Variants in VAMP7 observed in about 807,000 individuals in gnomAD.
VAMP7 encodes the protein vesicle associated membrane protein 7, also known as vesicle-associated membrane protein 7.
Under a neutral mutation model 29.6 loss-of-function variants are expected in VAMP7, and 14 were observed. The observed-to-expected ratio is 0.47, with a 90% CI of 0.31 to 0.74. The LOEUF (loss-of-function observed/expected upper bound fraction) is 0.74, where lower values mean the gene tolerates loss of function less well. VAMP7 is among the 30% of genes least tolerant of loss of function. The pLI is 0.05. For missense variants in VAMP7, 223 were observed against 262.4 expected, an observed-to-expected ratio of 0.85 and a Z score of 1.04; for synonymous variants, 95 against 88.1, an observed-to-expected ratio of 1.08 and a Z score of -0.44.
At chrX:155,894,250 G>C (rs1219113087) in intron 2 of VAMP7, among the ~76,000 whole-genome samples, 1 of 143,532 alleles carries the variant, frequency 7.0e-6, no homozygotes, top group Non-Finnish European at 1.5e-5. Flanking sequence ...GTAGTCTCCT[G>C]TCTGGTCCTC....
chrX:155,893,155 C>T (rs2065945404), intron 2 of VAMP7, among the ~76,000 whole-genome samples: 1 of 152,022 alleles, frequency 6.6e-6, no homozygotes, highest in Non-Finnish European at 1.5e-5. Flanking sequence ...GCCTGTGCAC[C>T]AAGTGACTTA....
intron 1 of VAMP7, among the ~76,000 whole-genome samples, chrX:155,882,974 A>G (rs1483036131): frequency 6.6e-6 from 1 of 152,186 alleles, no homozygotes; most frequent in Non-Finnish European, 1.5e-5. Context: ...AGATCATCAC[A>G]AAACATTAAG....
chrX:155,927,741 GTT>G (rs1176233637), intron 6 of VAMP7, among the ~76,000 whole-genome samples: 1 of 138,280 alleles, frequency 7.2e-6, no homozygotes, highest in Non-Finnish European at 1.5e-5. Context: ...TTTGCATAGA[GTT>G]TTTTAGTTTT....
In VAMP7 at chrX:155,943,182, A is replaced by G. The variant is rs1253675007; in HGVS notation, c.*1231A>G. The G allele has an allele frequency of 6.7e-6, 1 of 149,700 alleles. No individual in the cohort carries two copies. The highest frequency in any genetic ancestry group is 2.5e-5 in the African/African-American group (1 of 40,372). The allele number at this position is 149,700 out of a possible 1,614,324, so 9.3% of individuals were successfully genotyped here. ...CTGAAAGGAAGACATTTTCTACCCT[A>G]GATCCAATTGCATTTATTTATCAAT... On this transcript the variant is annotated 3_prime_UTR_variant, in exon 8 of 8. Coordinates refer to ENST00000286448, the MANE Select transcript of VAMP7 (RefSeq NM_005638.6).
intron 6 of VAMP7, among the ~76,000 whole-genome samples, chrX:155,922,080 T>C (rs2066404446): frequency 6.6e-6 from 1 of 152,076 alleles, no homozygotes; most frequent in South Asian, 2.1e-4. Flanking sequence ...GTAACAAATT[T>C]TTAAATTTTG....
chrX:155,941,819 T>A, intron 7 of VAMP7, 64 bp from the exon 8 acceptor site: 1 of 1,506,316 alleles, frequency 6.6e-7, no homozygotes. Flanking sequence ...TACTTTCCTA[T>A]ATATATTATT....
At chrX:155,894,177 T>G (rs2124251055) in intron 2 of VAMP7, among the ~76,000 whole-genome samples, 1 of 152,230 alleles carries the variant, frequency 6.6e-6, no homozygotes, top group African/African-American at 2.4e-5. Context: ...TCTGTCCCTT[T>G]TTCTTTATTA....
chrX:155,935,428 T>G (rs1318748428), intron 6 of VAMP7, among the ~76,000 whole-genome samples: 2 of 152,184 alleles, frequency 1.3e-5, no homozygotes, highest in Non-Finnish European at 2.9e-5. Flanking sequence ...TAAACTTCTC[T>G]TCTCGCTTCA....
At chrX:155,896,952 A>AATAT (rs1003856589) in intron 3 of VAMP7, among the ~76,000 whole-genome samples, 4 of 150,392 alleles carry the variant, frequency 2.7e-5, no homozygotes, top group African/African-American at 9.7e-5. Flanking sequence ...ATTATATTGA[A>AATAT]ATATATATAT....
At chrX:155,923,090 G>A (rs751447318) in intron 6 of VAMP7, among the ~76,000 whole-genome samples, 5 of 151,902 alleles carry the variant, frequency 3.3e-5, no homozygotes, top group Admixed American at 3.3e-4. Context: ...TATACTTCTA[G>A]CTGTTTCTTC....
intron 6 of VAMP7, among the ~76,000 whole-genome samples, chrX:155,930,062 C>T (rs1464068250): frequency 1.3e-5 from 2 of 152,216 alleles, no homozygotes; most frequent in African/African-American, 4.8e-5. Flanking sequence ...TTGTTGTCCT[C>T]TTCCCATGGA....
At chrX:155,919,406 A>T (rs2066361889) in intron 5 of VAMP7, among the ~76,000 whole-genome samples, 1 of 152,088 alleles carries the variant, frequency 6.6e-6, no homozygotes, top group Non-Finnish European at 1.5e-5. Context: ...TAGTATTTCT[A>T]TGGTCACTTC....
At chrX:155,914,942 A>G (rs1460309609) in intron 5 of VAMP7, among the ~76,000 whole-genome samples, 1 of 152,162 alleles carries the variant, frequency 6.6e-6, no homozygotes, top group Non-Finnish European at 1.5e-5. Context: ...GAATGGTACC[A>G]GCTCCTCTTT....
chrX:155,936,400 G>A (rs929074237), intron 6 of VAMP7, among the ~76,000 whole-genome samples: 18 of 152,128 alleles, frequency 1.2e-4, no homozygotes, highest in East Asian at 1.9e-4. Context: ...CAGCAATGGC[G>A]GGCGCCTCTC....
intron 2 of VAMP7, 135 bp downstream of exon 2, chrX:155,889,747 C>A: frequency 1.1e-6 from 1 of 933,418 alleles, no homozygotes; most frequent in South Asian, 3.2e-5. Context: ...CCTTCACCAA[C>A]TTAGAAAATA....
intron 6 of VAMP7, among the ~76,000 whole-genome samples, chrX:155,934,792 G>T (rs1325051287): frequency 6.6e-6 from 1 of 152,104 alleles, no homozygotes; most frequent in Non-Finnish European, 1.5e-5. Flanking sequence ...TTTCTTCCTA[G>T]CCTTGATGGT....
chrX:155,900,494 T>C lies in VAMP7; in HGVS notation c.343-3T>C, dbSNP rs1429044739. 3 of 1,602,698 alleles carry C rather than the reference T, an allele frequency of 1.9e-6. No homozygotes were observed. Among genetic ancestry groups the C allele is most frequent in the Non-Finnish European group, 2.6e-6 (3 of 1,174,198 alleles). On this transcript the variant is annotated splice_polypyrimidine_tract_variant and splice_region_variant and intron_variant, in intron 4 of 7. Coordinates refer to ENST00000286448, the MANE Select transcript of VAMP7 (RefSeq NM_005638.6). ...CCATAAGTTAAAACTTATTTTCTTA[T>C]AGAAGCATCACTCTGAGAATAAGGG... is the stretch of plus-strand genomic sequence containing the variant.
chrX:155,925,723 T>C (rs147042373), intron 6 of VAMP7, among the ~76,000 whole-genome samples: 20 of 152,322 alleles, frequency 1.3e-4, no homozygotes, highest in Non-Finnish European at 2.8e-4. Context: ...TTTGAGTTTC[T>C]GATGAGCCTC....
At chrX:155,911,333 C>A (rs779067973) in intron 5 of VAMP7, among the ~76,000 whole-genome samples, 1 of 152,172 alleles carries the variant, frequency 6.6e-6, no homozygotes, top group East Asian at 1.9e-4. Flanking sequence ...CCAAACCATG[C>A]TGTTTTGGTT....
Sources: gnomAD v4.1 joint callset for allele counts (sites outside exome capture counted in the v4.1 genomes callset) on GRCh38, gnomAD v4.1.1 for gene constraint, MANE v1.5 for transcripts, NCBI Gene and HGNC (gene_info 2026-07-23, HGNC 2026-07-21) for gene names.